The following SYNE1 variants were observed in gnomAD, a reference collection of about 807,000 sequenced individuals.
SYNE1 encodes the protein spectrin repeat containing nuclear envelope protein 1.
SYNE1 carries 616 observed loss-of-function variants against 1,111.0 expected under a neutral mutation model. The observed-to-expected ratio is 0.55, with a 90% CI of 0.52 to 0.59. The LOEUF is 0.59. SYNE1 is among the 20% of genes least tolerant of loss of function. The probability of loss-of-function intolerance (pLI) is 0.00; values close to 1 mark genes in which losing one functional copy is unlikely to be tolerated. For synonymous variants in SYNE1, 3,855 were observed against 3,825.8 expected (o/e 1.01, Z -0.28); for missense variants, 10,006 against 10,417.0 (o/e 0.96, Z 1.72).
chr6:152,156,920 C>T (rs369831565), intron 131 of SYNE1, among the ~76,000 whole-genome samples: 3 of 152,182 alleles, frequency 2.0e-5, no homozygotes, highest in African/African-American at 2.4e-5. Flanking sequence ...TTCTGCCTCC[C>T]GAGTTCAAGT....
At chr6:152,627,931 G>A (rs1218991042) in intron 3 of SYNE1, among the ~76,000 whole-genome samples, 1 of 151,614 alleles carries the variant, frequency 6.6e-6, no homozygotes, top group Non-Finnish European at 1.5e-5. Context: ...AACTGAGGAT[G>A]TATTGTCACT....
At chr6:152,291,994 T>A (rs1254586664) in intron 95 of SYNE1, among the ~76,000 whole-genome samples, 1 of 152,028 alleles carries the variant, frequency 6.6e-6, no homozygotes, top group Non-Finnish European at 1.5e-5. Context: ...CTCCTTCCAG[T>A]ACAGTGAAGC....
chr6:152,237,035 G>A (rs1232273847), intron 108 of SYNE1, 87 bp from the exon 109 acceptor site: 2 of 1,534,764 alleles, frequency 1.3e-6, no homozygotes, highest in Non-Finnish European at 1.8e-6. Flanking sequence ...GTGCCTGACA[G>A]TCTCTCCTTA....
rs538396607 is a variant in SYNE1, at chr6:152,254,777, G to A, written c.19470+103C>T. 194 of 1,003,256 alleles carry A rather than the reference G, an allele frequency of 1.9e-4. No individual in the cohort carries two copies. The African/African-American group carries it at 2.6e-3, about 13-fold the overall frequency. 62.1% of individuals were successfully genotyped at this position (1,003,256 alleles called of 1,614,324 possible). A position where few individuals can be genotyped will look rare whatever the true frequency, so the allele number is the denominator to read the frequency against. On this transcript the variant is annotated intron_variant, in intron 104 of 145. Transcript: ENST00000367255. ...CTACAATGCTCTTGTTCTTCATTAC[G>A]CATTTAGAAAAACAACAACCAGGTC...
Position 152,237,282 on chromosome 6 carries a change from A to C in SYNE1, c.20068-334T>G, listed in dbSNP as rs2084366452. Among the ~76,000 whole-genome samples, 3 of 149,058 alleles carry C rather than the reference A, an allele frequency of 2.0e-5. No homozygotes were observed. The Admixed American group carries it at 2.0e-4, about 10-fold the overall frequency. On this transcript the variant is annotated intron_variant, in intron 108 of 145. Coordinates refer to ENST00000367255, the MANE Select transcript of SYNE1 (RefSeq NM_182961.4). ...GAGGATTAAATGGAATAATGTATGC[A>C]GTGTACCTTCTATTGGGTATGCACT...
intron 6 of SYNE1, among the ~76,000 whole-genome samples, chr6:152,517,774 T>G (rs1213834563): frequency 2.0e-5 from 3 of 152,106 alleles, no homozygotes. Context: ...CGGGGATATA[T>G]GAAAACACAT....
At chr6:152,345,840 C>T (rs554127572) in intron 73 of SYNE1, among the ~76,000 whole-genome samples, 1 of 152,294 alleles carries the variant, frequency 6.6e-6, no homozygotes, top group South Asian at 2.1e-4. Flanking sequence ...CCCTCTTACA[C>T]TTATTTCTAA....
intron 96 of SYNE1, among the ~76,000 whole-genome samples, chr6:152,283,101 T>C (rs1220331101): frequency 6.6e-6 from 1 of 152,062 alleles, no homozygotes; most frequent in Admixed American, 6.6e-5. Context: ...ACAATATGAG[T>C]AGCCTAGAAG....
intron 128 of SYNE1, among the ~76,000 whole-genome samples, chr6:152,188,354 T>A (rs935404975): frequency 1.3e-5 from 2 of 152,214 alleles, no homozygotes; most frequent in African/African-American, 4.8e-5. Context: ...GCCTAGGATG[T>A]CTTCTCGCTG....
At chr6:152,262,401 C>A (rs1481262674) in intron 100 of SYNE1, among the ~76,000 whole-genome samples, 1 of 152,096 alleles carries the variant, frequency 6.6e-6, no homozygotes, top group Non-Finnish European at 1.5e-5. Flanking sequence ...AGAAGGGATA[C>A]TTAAAAATGC....
At chr6:152,580,271 G>A (rs756775308) in intron 3 of SYNE1, among the ~76,000 whole-genome samples, 15 of 152,164 alleles carry the variant, frequency 9.9e-5, no homozygotes, top group Non-Finnish European at 1.8e-4. Flanking sequence ...GATGAGTGAT[G>A]TCGAACATTT....
chr6:152,394,503 G>C (rs1424624678), intron 51 of SYNE1, among the ~76,000 whole-genome samples: 3 of 152,106 alleles, frequency 2.0e-5, no homozygotes, highest in African/African-American at 7.2e-5. Context: ...GAAAATGCCA[G>C]GGGTGGAGCA....
At chr6:152,279,703 T>C (rs2093906845) in intron 97 of SYNE1, among the ~76,000 whole-genome samples, 1 of 128,876 alleles carries the variant, frequency 7.8e-6, no homozygotes, top group Non-Finnish European at 1.6e-5. Flanking sequence ...GGTGACAAAG[T>C]GAGACCTTGT....
intron 123 of SYNE1, among the ~76,000 whole-genome samples, chr6:152,212,890 G>A (rs959524015): frequency 2.6e-5 from 4 of 151,810 alleles, no homozygotes; most frequent in African/African-American, 4.8e-5. Context: ...CAACAAAACT[G>A]GATTTAAAAA....
At chr6:152,130,611 T>A (rs997388366) in intron 145 of SYNE1, 109 bp downstream of exon 145, 10 of 1,134,286 alleles carry the variant, frequency 8.8e-6, no homozygotes, top group Non-Finnish European at 1.2e-5. Flanking sequence ...AATGAGTAAT[T>A]TCCCAACTAC....
At chr6:152,292,540 T>C (rs1450192630) in intron 95 of SYNE1, among the ~76,000 whole-genome samples, 6 of 152,228 alleles carry the variant, frequency 3.9e-5, no homozygotes, top group African/African-American at 7.2e-5. Flanking sequence ...TTTTATGTTA[T>C]ACTGAAAGAT....
intron 78 of SYNE1, among the ~76,000 whole-genome samples, chr6:152,329,377 A>AT (rs1224784516): frequency 6.6e-6 from 1 of 152,166 alleles, no homozygotes; most frequent in Admixed American, 6.5e-5. Context: ...AAATACAAAA[A>AT]TTAGCTGGAT....
intron 25 of SYNE1, among the ~76,000 whole-genome samples, chr6:152,452,179 T>C (rs2098656778): frequency 1.3e-5 from 2 of 152,164 alleles, no homozygotes; most frequent in East Asian, 1.9e-4. Flanking sequence ...GTCCCATAAT[T>C]AATTTTAACT....
intron 3 of SYNE1, among the ~76,000 whole-genome samples, chr6:152,624,745 T>A (rs757065365): frequency 2.6e-5 from 4 of 152,182 alleles, no homozygotes; most frequent in Non-Finnish European, 4.4e-5. Context: ...AACATTATGC[T>A]CAAACAAGCA....
Sources: allele counts gnomAD v4.1 joint callset (sites outside exome capture counted in the v4.1 genomes callset), GRCh38; gene constraint gnomAD v4.1.1; transcripts MANE v1.5; gene names NCBI Gene and HGNC (gene_info 2026-07-23, HGNC 2026-07-21).